The following FAM210B variants were observed in gnomAD, a reference collection of about 807,000 sequenced individuals.
FAM210B encodes family with sequence similarity 210 member B.
In FAM210B, 11 loss-of-function variants were observed where a neutral mutation model predicts 14.9. The observed-to-expected ratio is 0.74, with a 90% CI of 0.46 to 1.22. FAM210B has a LOEUF of 1.22. Ranked by LOEUF, FAM210B falls within the 50% of genes most tolerant of loss-of-function variation. The probability of loss-of-function intolerance (pLI) is 0.00; values close to 1 mark genes in which losing one functional copy is unlikely to be tolerated. For missense variants in FAM210B, 229 were observed against 250.1 expected, an observed-to-expected ratio of 0.92 and a Z score of 0.57; for synonymous variants, 113 against 110.2, an observed-to-expected ratio of 1.03 and a Z score of -0.16.
At chr20:56,365,571 T>C (rs1296414776) in intron 2 of FAM210B, among the ~76,000 whole-genome samples, 1 of 152,134 alleles carries the variant, frequency 6.6e-6, no homozygotes, top group Non-Finnish European at 1.5e-5. Flanking sequence ...AGTGGCGTGA[T>C]CTCGGCTCAC....
rs1983560147 is a variant in FAM210B at position 56,362,891 on chromosome 20, A to T, written c.187-2196A>T. Among the ~76,000 whole-genome samples, 1 of 152,208 alleles carries T rather than the reference A, an allele frequency of 6.6e-6. No homozygotes were observed. The highest frequency in any genetic ancestry group is 1.5e-5 in the Non-Finnish European group (1 of 68,020). ...CAGAATGGGGCCAGGTGTCAAGGGC[A>T]TGGGTGTTTGGCCCTGCGAGGGGCT... is the stretch of plus-strand genomic sequence containing the variant. On this transcript the variant is annotated intron_variant, in intron 1 of 2. Transcript: ENST00000371384. The surrounding 1 kb of genome is among the most constrained non-coding windows in gnomAD (Gnocchi z 4.8).
rs777116939 is a variant in FAM210B, at chr20:56,362,787, CAA to C, written c.187-2297_187-2296del. On this transcript the variant is annotated intron_variant, in intron 1 of 2. Transcript: ENST00000371384. This position sits in a 1 kb window ranked among gnomAD's most constrained non-coding sequence, Gnocchi z 4.8. The stretch of plus-strand genomic sequence containing the variant: ...TGCCTTTTTATTTTTATTTTTTGGC[CAA>C]AAGTCCTTTTGCCAAAATAAAGACT... Among the ~76,000 whole-genome samples, 1 of 152,092 alleles carries C rather than the reference CAA, an allele frequency of 6.6e-6. No individual in the cohort carries two copies. The highest frequency in any genetic ancestry group is 1.5e-5 in the Non-Finnish European group (1 of 68,016).
intron 1 of FAM210B, chr20:56,360,720 G>A (rs1339468880): frequency 6.4e-6 from 1 of 157,092 alleles, no homozygotes; most frequent in Non-Finnish European, 1.4e-5. Flanking sequence ...AGGGCCCCGT[G>A]AGCTGTCCTT....
At chr20:56,365,316 A>C in intron 2 of FAM210B, 54 bp downstream of exon 2, 4 of 1,567,674 alleles carry the variant, frequency 2.6e-6, no homozygotes, top group Non-Finnish European at 2.6e-6. Flanking sequence ...GTAAGATTCT[A>C]TGTGAATAAG....
rs1600663109 is a variant in FAM210B, at chr20:56,362,461, G to A, written c.187-2626G>A. Among the ~76,000 whole-genome samples, 1 of 152,148 alleles carries A rather than the reference G, an allele frequency of 6.6e-6. No individual in the cohort carries two copies. Among genetic ancestry groups the A allele is most frequent in the Admixed American group, 6.5e-5 (1 of 15,280 alleles). ...CCGGGTACTTACGGCAATGTTTCACGAAGAAATGAATGTCTAAAAATTTTC... is the reference window on the plus strand; with the variant it reads ...CCGGGTACTTACGGCAATGTTTCACAAAGAAATGAATGTCTAAAAATTTTC... On this transcript the variant is annotated intron_variant, in intron 1 of 2. Transcript: ENST00000371384. This position sits in a 1 kb window ranked among gnomAD's most constrained non-coding sequence, Gnocchi z 4.8.
At position 56,368,351 on chromosome 20, in the gene FAM210B, A is replaced by AG. The variant is rs1357063469; in HGVS notation, c.*2065dup. 96 of 152,730 alleles carry AG rather than the reference A, an allele frequency of 6.3e-4. No individual in the cohort carries two copies. Among genetic ancestry groups the AG allele is most frequent in the African/African-American group, 2.2e-3 (92 of 41,564 alleles). The allele number at this position is 152,730 out of a possible 1,614,324, so 9.5% of individuals were successfully genotyped here. ...ATGCAAAAAAAAAAAAAGAAAAAAA[A>AG]GAAAAACTGATGGTGAAACCTACAG... On this transcript the variant is annotated 3_prime_UTR_variant, in exon 3 of 3. Coordinates refer to ENST00000371384, the MANE Select transcript of FAM210B (RefSeq NM_080821.3).
chr20:56,366,596 C>T lies in FAM210B; in HGVS notation c.*309C>T, dbSNP rs79144474. On this transcript the variant is annotated 3_prime_UTR_variant, in exon 3 of 3. Transcript: ENST00000371384. Reference sequence around the variant, plus strand: ...AAATGTTCCTTGTGGGAGACTTTGGCGAGGGTCTGTGGGTAAAAGCACCAG... The same window carrying T: ...AAATGTTCCTTGTGGGAGACTTTGGTGAGGGTCTGTGGGTAAAAGCACCAG... 9 of 263,280 alleles carry T rather than the reference C, an allele frequency of 3.4e-5. No homozygotes were observed. The East Asian group carries it at 4.0e-4, about 12-fold the overall frequency. The allele number at this position is 263,280 out of a possible 1,614,324, so 16.3% of individuals were successfully genotyped here.
chr20:56,363,110 G>A lies in FAM210B; in HGVS notation c.187-1977G>A, dbSNP rs1409964419. 1.3e-5 allele frequency among the ~76,000 whole-genome samples: 2 copies of A among 152,180 alleles called. No individual in the cohort carries two copies. The highest frequency in any genetic ancestry group is 1.9e-4 in the East Asian group (1 of 5,192). ...TCACATGTGCTGGCCAAAGAAAGGG[G>A]GGCTGATGACATCTTCCCTCCTCCC... is the stretch of plus-strand genomic sequence containing the variant. On this transcript the variant is annotated intron_variant, in intron 1 of 2. Coordinates refer to ENST00000371384, the MANE Select transcript of FAM210B (RefSeq NM_080821.3). This position sits in a 1 kb window ranked among gnomAD's most constrained non-coding sequence, Gnocchi z 4.1.
Position 56,362,347 on chromosome 20 carries a change from A to ACG in FAM210B, c.187-2739_187-2738insGC, listed in dbSNP as rs1473973025. ...ATCTCACACACACACTGTCTCACAC[A>ACG]CACTCTCACACACATGTGCATGCAT... On this transcript the variant is annotated intron_variant, in intron 1 of 2. Transcript: ENST00000371384. This position sits in a 1 kb window ranked among gnomAD's most constrained non-coding sequence, Gnocchi z 4.8. Among the ~76,000 whole-genome samples, 3 of 151,746 alleles carry ACG rather than the reference A, an allele frequency of 2.0e-5. No individual in the cohort carries two copies. Among genetic ancestry groups the ACG allele is most frequent in the Non-Finnish European group, 4.4e-5 (3 of 67,982 alleles).
At position 56,367,840 on chromosome 20, in the gene FAM210B, G is replaced by T. The variant is rs1323144725; in HGVS notation, c.*1553G>T. 6.6e-6 allele frequency: 1 copy of T among 152,234 alleles called. No individual in the cohort carries two copies. The highest frequency in any genetic ancestry group is 6.5e-5 in the Admixed American group (1 of 15,282). The allele number at this position is 152,234 out of a possible 1,614,324, so 9.4% of individuals were successfully genotyped here. On this transcript the variant is annotated 3_prime_UTR_variant, in exon 3 of 3. Coordinates refer to ENST00000371384, the MANE Select transcript of FAM210B (RefSeq NM_080821.3). ...AGTCTGCCCTGTCACGTAGTTGAAG[G>T]AGTTGCATTTATCTTTCTGGCTCCT...
rs1027113470 is a variant in FAM210B, at chr20:56,366,732, G to A, written c.*445G>A. The A allele has an allele frequency of 2.1e-4, 34 of 158,766 alleles. No individual in the cohort carries two copies. Among genetic ancestry groups the A allele is most frequent in the Non-Finnish European group, 4.6e-4 (33 of 72,192 alleles). 9.8% of individuals were successfully genotyped at this position (158,766 alleles called of 1,614,324 possible). A position where few individuals can be genotyped will look rare whatever the true frequency, so the allele number is the denominator to read the frequency against. ...AGCTGCCTACAGTTTAATATGCAGC[G>A]TTCACAAAACAGCTGCCAGTGCTAC... On this transcript the variant is annotated 3_prime_UTR_variant, in exon 3 of 3. Coordinates refer to ENST00000371384, the MANE Select transcript of FAM210B (RefSeq NM_080821.3).
rs1159779431 is a variant in FAM210B at position 56,367,310 on chromosome 20, G to C, written c.*1023G>C. On this transcript the variant is annotated 3_prime_UTR_variant, in exon 3 of 3. Coordinates refer to ENST00000371384, the MANE Select transcript of FAM210B (RefSeq NM_080821.3). ...CTGAGCCAGCTTTACCCAATGAAGG[G>C]CATATGTGTTAGAGAGATTAGCTAA... 1 of 152,204 alleles carries C rather than the reference G, an allele frequency of 6.6e-6. No individual in the cohort carries two copies. Among genetic ancestry groups the C allele is most frequent in the Non-Finnish European group, 1.5e-5 (1 of 68,054 alleles). 9.4% of individuals were successfully genotyped at this position (152,204 alleles called of 1,614,324 possible). A position where few individuals can be genotyped will look rare whatever the true frequency, so the allele number is the denominator to read the frequency against.
chr20:56,361,572 T>C (rs112227219), intron 1 of FAM210B, among the ~76,000 whole-genome samples: 3 of 152,326 alleles, frequency 2.0e-5, no homozygotes, highest in Admixed American at 6.5e-5. Flanking sequence ...GTGTGATCCT[T>C]GGTAAATTAC....
chr20:56,361,561 T>C (rs1395670652), intron 1 of FAM210B, among the ~76,000 whole-genome samples: 1 of 152,244 alleles, frequency 6.6e-6, no homozygotes, highest in Non-Finnish European at 1.5e-5. Flanking sequence ...CAGTAATCCC[T>C]GTGTGATCCT....
At chr20:56,361,578 A>G (rs112965387) in intron 1 of FAM210B, among the ~76,000 whole-genome samples, 3 of 152,296 alleles carry the variant, frequency 2.0e-5, no homozygotes, top group Admixed American at 6.5e-5. Flanking sequence ...TCCTTGGTAA[A>G]TTACTCAACC....
Position 56,368,329 on chromosome 20 carries a change from CAA to C in FAM210B, c.*2054_*2055del, listed in dbSNP as rs148519468. On this transcript the variant is annotated 3_prime_UTR_variant, in exon 3 of 3. Transcript: ENST00000371384. ...ATTTATGTCCCTAGTAATGCCTATG[CAA>C]AAAAAAAAAAAGAAAAAAAAGAAAA... 23 of 93,932 alleles carry C rather than the reference CAA, an allele frequency of 2.4e-4. No individual in the cohort carries two copies. The highest frequency in any genetic ancestry group is 3.8e-4 in the Admixed American group (3 of 7,882). The allele number at this position is 93,932 out of a possible 1,614,324, so 5.8% of individuals were successfully genotyped here.
At position 56,366,303 on chromosome 20, in the gene FAM210B, T is replaced by C. The variant is rs1983634717; in HGVS notation, c.*16T>C. 11 of 1,602,112 alleles carry C rather than the reference T, an allele frequency of 6.9e-6. No individual in the cohort carries two copies. Among genetic ancestry groups the C allele is most frequent in the Non-Finnish European group, 9.4e-6 (11 of 1,169,106 alleles). On this transcript the variant is annotated 3_prime_UTR_variant, in exon 3 of 3. Transcript: ENST00000371384. ...AAAACCTTAATGAACTCTTCAGTCG[T>C]ACACACTGAAAACCTATTTCTTCTA...
At chr20:56,365,931 ACTGCAC>A in intron 2 of FAM210B, 134 bp from the exon 3 acceptor site, 1 of 588,210 alleles carries the variant, frequency 1.7e-6, no homozygotes, top group African/African-American at 2.5e-5. Flanking sequence ...GGCGTGAGCC[ACTGCAC>A]CTGGCCACTA....
intron 1 of FAM210B, among the ~76,000 whole-genome samples, chr20:56,360,935 G>A (rs1298742941): frequency 1.3e-5 from 2 of 152,232 alleles, no homozygotes; most frequent in African/African-American, 4.8e-5. Context: ...CGGGAGGTAG[G>A]AGTGTGCTGC....
Sources: allele counts gnomAD v4.1 joint callset (sites outside exome capture counted in the v4.1 genomes callset), GRCh38; gene constraint gnomAD v4.1.1; non-coding constraint Gnocchi (gnomAD v3.1); transcripts MANE v1.5; gene names NCBI Gene and HGNC (gene_info 2026-07-23, HGNC 2026-07-21).